Variants in LRP1B observed in about 807,000 individuals in gnomAD.
The protein encoded by LRP1B is LDL receptor related protein 1B.
Under a neutral mutation model 556.6 loss-of-function variants are expected in LRP1B, and 217 were observed. That is an observed-to-expected ratio of 0.39 (90% CI 0.35 to 0.44). The LOEUF is 0.44. LRP1B is among the 20% of genes least tolerant of loss of function. The pLI, the probability that LRP1B is intolerant of heterozygous loss-of-function variation, is 1.00. For synonymous variants in LRP1B, 2,047 were observed against 1,865.8 expected, an observed-to-expected ratio of 1.10 and a Z score of -2.50; for missense variants, 5,053 against 5,620.8, an observed-to-expected ratio of 0.90 and a Z score of 3.23.
rs1224901152 is a variant in LRP1B, at chr2:141,667,455, A to G, written c.205+142824T>C. 5.9e-5 allele frequency among the ~76,000 whole-genome samples: 9 copies of G among 152,304 alleles called. No homozygotes were observed. In the East Asian group the frequency reaches 1.7e-3, roughly 29 times the overall value. On this transcript the variant is annotated intron_variant, in intron 2 of 90. Transcript: ENST00000389484. ...TATCACTTGACAAAAAATAGACATTAAATTGAATACATCCATCTTTAAAAA... is the reference window on the plus strand; with the variant it reads ...TATCACTTGACAAAAAATAGACATTGAATTGAATACATCCATCTTTAAAAA...
At chr2:140,495,350 AG>A (rs1574003389) in intron 56 of LRP1B, among the ~76,000 whole-genome samples, 1 of 149,786 alleles carries the variant, frequency 6.7e-6, no homozygotes, top group East Asian at 2.0e-4. Context: ...CTCAAAATCT[AG>A]AAAACACTCA....
chr2:140,637,877 G>C (rs1158170968), intron 41 of LRP1B, among the ~76,000 whole-genome samples: 1 of 152,062 alleles, frequency 6.6e-6, no homozygotes, highest in Non-Finnish European at 1.5e-5. Flanking sequence ...TAAAGTTGTA[G>C]GTTACAAAAG....
intron 3 of LRP1B, among the ~76,000 whole-genome samples, chr2:141,418,197 C>A (rs750943377): frequency 6.6e-6 from 1 of 152,080 alleles, no homozygotes; most frequent in Non-Finnish European, 1.5e-5. Flanking sequence ...TTAGGTTTCA[C>A]TCTGTTGATT....
At chr2:141,923,440 ATATATATGTGTGTGTGTG>A (rs1700246356) in intron 1 of LRP1B, among the ~76,000 whole-genome samples, 5 of 60,886 alleles carry the variant, frequency 8.2e-5, no homozygotes, top group Non-Finnish European at 1.7e-4. Context: ...AAGAGATTAT[ATATATATGTGTGTGTGTG>A]TGTGTGTGTG....
intron 2 of LRP1B, among the ~76,000 whole-genome samples, chr2:141,621,645 T>C (rs1256451933): frequency 6.6e-6 from 1 of 152,178 alleles, no homozygotes; most frequent in East Asian, 1.9e-4. Context: ...TTAATACATT[T>C]AAATATTTAG....
intron 41 of LRP1B, among the ~76,000 whole-genome samples, chr2:140,659,720 T>C (rs16844409): frequency 0.076 from 11,502 of 151,864 alleles, 532 homozygotes; most frequent in African/African-American, 0.12. Context: ...CATGAGCAAA[T>C]ATAAAACGAT....
intron 3 of LRP1B, among the ~76,000 whole-genome samples, chr2:141,271,140 G>A (rs892728351): frequency 6.6e-6 from 1 of 151,794 alleles, no homozygotes; most frequent in African/African-American, 2.4e-5. Flanking sequence ...GGGTTTCATA[G>A]TACATTTTAA....
At chr2:141,698,657 T>A (rs1048873608) in intron 2 of LRP1B, among the ~76,000 whole-genome samples, 3 of 151,740 alleles carry the variant, frequency 2.0e-5, no homozygotes, top group African/African-American at 7.3e-5. Context: ...TCTCTGATTA[T>A]CTGACTGAGC....
chr2:141,173,566 C>T (rs1018912763), intron 7 of LRP1B, among the ~76,000 whole-genome samples: 1 of 152,056 alleles, frequency 6.6e-6, no homozygotes, highest in East Asian at 1.9e-4. Context: ...CTCTTTCAGA[C>T]TTAAGTGATA....
At chr2:140,579,036 G>A (rs951461222) in intron 43 of LRP1B, among the ~76,000 whole-genome samples, 9 of 152,070 alleles carry the variant, frequency 5.9e-5, no homozygotes, top group African/African-American at 1.7e-4. Flanking sequence ...ACGAGGAGAC[G>A]GAACAGGGGA....
intron 3 of LRP1B, among the ~76,000 whole-genome samples, chr2:141,401,532 G>A (rs1244194813): frequency 6.6e-6 from 1 of 152,096 alleles, no homozygotes; most frequent in Non-Finnish European, 1.5e-5. Flanking sequence ...TAGCCAGTGT[G>A]CCTGTCCATG....
At chr2:141,912,476 G>A (rs1699929460) in intron 1 of LRP1B, among the ~76,000 whole-genome samples, 1 of 152,100 alleles carries the variant, frequency 6.6e-6, no homozygotes, top group South Asian at 2.1e-4. Context: ...AAGGCTCGGG[G>A]CAAATCATCA....
At chr2:141,224,383 G>A (rs144172382) in intron 6 of LRP1B, among the ~76,000 whole-genome samples, 264 of 152,166 alleles carry the variant, frequency 1.7e-3, no homozygotes, top group African/African-American at 5.6e-3. Context: ...ACATGTTAGT[G>A]GAAATGTAAA....
intron 82 of LRP1B, among the ~76,000 whole-genome samples, chr2:140,321,169 T>TGGGGAAAA (rs1680099181): frequency 6.6e-6 from 1 of 151,998 alleles, no homozygotes; most frequent in South Asian, 2.1e-4. Context: ...GGTAACTTAT[T>TGGGGAAAA]TATTGTCAGT....
At chr2:141,854,982 T>C (rs1035389582) in intron 1 of LRP1B, among the ~76,000 whole-genome samples, 3 of 152,056 alleles carry the variant, frequency 2.0e-5, no homozygotes, top group African/African-American at 4.8e-5. Context: ...ATGAAGTATG[T>C]AGTAAGTAAT....
At position 140,232,669 on chromosome 2, in the gene LRP1B, G is replaced by A. The variant is rs1680521099; in HGVS notation, c.*517C>T. 1 of 151,652 alleles carries A rather than the reference G, an allele frequency of 6.6e-6. No individual in the cohort carries two copies. The allele number at this position is 151,652 out of a possible 1,614,324, so 9.4% of individuals were successfully genotyped here. On this transcript the variant is annotated 3_prime_UTR_variant, in exon 91 of 91. Coordinates refer to ENST00000389484, the MANE Select transcript of LRP1B (RefSeq NM_018557.3). Reference sequence around the variant, plus strand: ...TAAGGCTAATTTCAAAGCAGGTGATGCTGAACTTGTGAGAGCTATATATTT... The same window carrying A: ...TAAGGCTAATTTCAAAGCAGGTGATACTGAACTTGTGAGAGCTATATATTT...
intron 2 of LRP1B, among the ~76,000 whole-genome samples, chr2:141,601,886 G>A (rs962078973): frequency 6.6e-6 from 1 of 152,014 alleles, no homozygotes; most frequent in Admixed American, 6.6e-5. Flanking sequence ...ATGGGCATGA[G>A]CCACCGCGTC....
At chr2:141,099,327 ATTTC>A in intron 7 of LRP1B, among the ~76,000 whole-genome samples, 1 of 152,298 alleles carries the variant, frequency 6.6e-6, no homozygotes, top group Admixed American at 6.5e-5. Flanking sequence ...CACCACGTTA[ATTTC>A]TTTCTAGTGA....
At chr2:141,762,345 T>C (rs1694587446) in intron 2 of LRP1B, among the ~76,000 whole-genome samples, 1 of 152,146 alleles carries the variant, frequency 6.6e-6, no homozygotes, top group East Asian at 1.9e-4. Context: ...AGAAAGTCCC[T>C]GTCCCCTCAA....
Sources: gnomAD v4.1 joint callset for allele counts (sites outside exome capture counted in the v4.1 genomes callset) on GRCh38, gnomAD v4.1.1 for gene constraint, MANE v1.5 for transcripts, NCBI Gene and HGNC (gene_info 2026-07-23, HGNC 2026-07-21) for gene names.